PCDHA10: variants seen among roughly 807,000 people sequenced by gnomAD.
The protein encoded by PCDHA10 is protocadherin alpha-10.
A neutral mutation model predicts 61.2 loss-of-function variants in PCDHA10; 45 were observed. The observed-to-expected ratio is 0.74, with a 90% CI of 0.58 to 0.94. The LOEUF is 0.94. PCDHA10 is among the 40% of genes least tolerant of loss of function. The pLI, the probability that PCDHA10 is intolerant of heterozygous loss-of-function variation, is 0.00. For missense variants in PCDHA10, 1,278 were observed against 1,236.2 expected (o/e 1.03, Z -0.51); for synonymous variants, 602 against 548.8 (o/e 1.10, Z -1.35).
intron 1 of PCDHA10, chr5:140,858,779 C>T (rs771428982): frequency 5.0e-6 from 2 of 403,886 alleles, no homozygotes; most frequent in Non-Finnish European, 9.0e-6. Flanking sequence ...ATTAGTACTT[C>T]ATGTTATTTC....
chr5:140,886,012 T>C (rs1363937487), intron 1 of PCDHA10, among the ~76,000 whole-genome samples: 1 of 152,190 alleles, frequency 6.6e-6, no homozygotes, highest in Non-Finnish European at 1.5e-5. Context: ...TAAAGGGAGA[T>C]GCTATGTATT....
At chr5:140,888,695 A>G (rs1161003821) in intron 1 of PCDHA10, among the ~76,000 whole-genome samples, 3 of 152,094 alleles carry the variant, frequency 2.0e-5, no homozygotes, top group African/African-American at 7.2e-5. Flanking sequence ...CTCTTCTCTG[A>G]TTGGTAGGAA....
intron 1 of PCDHA10, among the ~76,000 whole-genome samples, chr5:140,945,624 C>T (rs1248945489): frequency 6.6e-6 from 1 of 152,028 alleles, no homozygotes; most frequent in African/African-American, 2.4e-5. Flanking sequence ...ATGGTACTGG[C>T]ATAAAAGACA....
At chr5:140,882,767 G>GC in intron 1 of PCDHA10, 1 of 1,614,176 alleles carries the variant, frequency 6.2e-7, no homozygotes, top group Non-Finnish European at 8.5e-7. Context: ...AGTAAACTCG[G>GC]CATTGACCTA....
At chr5:140,869,582 C>T (rs936485472) in intron 1 of PCDHA10, 7 of 1,614,088 alleles carry the variant, frequency 4.3e-6, no homozygotes, top group Middle Eastern at 1.6e-4. Context: ...GCTTCTGATG[C>T]TGACATTGAA....
At chr5:140,889,387 C>G (rs1174974313) in intron 1 of PCDHA10, among the ~76,000 whole-genome samples, 1 of 151,966 alleles carries the variant, frequency 6.6e-6, no homozygotes, top group East Asian at 1.9e-4. Context: ...AAGGACCATT[C>G]AGAGTTTAAT....
chr5:140,973,812 G>A (rs897592585), intron 1 of PCDHA10, among the ~76,000 whole-genome samples: 10 of 152,236 alleles, frequency 6.6e-5, no homozygotes, highest in Admixed American at 6.5e-4. Context: ...TGACAGAATA[G>A]CAAAGTCAGT....
rs1554206132 is a variant in PCDHA10, at chr5:140,928,678, C to A, written c.2389-50271C>A. 3.1e-6 allele frequency: 5 copies of A among 1,614,192 alleles called. No individual in the cohort carries two copies. The East Asian group carries it at 1.1e-4, about 36-fold the overall frequency. ...TGCTGACAGTGGTTCTAATGCCTGGCTTTCCTACCACATCTCCCGGGCGTC... is the reference window on the plus strand; with the variant it reads ...TGCTGACAGTGGTTCTAATGCCTGGATTTCCTACCACATCTCCCGGGCGTC... On this transcript the variant is annotated intron_variant, in intron 1 of 3. Coordinates refer to ENST00000307360, the MANE Select transcript of PCDHA10 (RefSeq NM_018901.4).
At chr5:141,001,971 G>C (rs1240624295) in intron 3 of PCDHA10, among the ~76,000 whole-genome samples, 2 of 152,186 alleles carry the variant, frequency 1.3e-5, no homozygotes, top group Admixed American at 1.3e-4. Flanking sequence ...GGGTGTCTCT[G>C]CGCGGAAAGC....
intron 1 of PCDHA10, among the ~76,000 whole-genome samples, chr5:140,932,330 G>A (rs1339060592): frequency 6.6e-6 from 1 of 151,860 alleles, no homozygotes; most frequent in African/African-American, 2.4e-5. Context: ...TAGCAAAAAT[G>A]CATGAAACAC....
intron 1 of PCDHA10, among the ~76,000 whole-genome samples, chr5:140,950,128 A>T (rs1488144119): frequency 6.6e-6 from 1 of 151,920 alleles, no homozygotes; most frequent in Non-Finnish European, 1.5e-5. Flanking sequence ...AACCCACAAG[A>T]CACAGTTATA....
chr5:140,989,728 A>T (rs1453115061), intron 3 of PCDHA10, among the ~76,000 whole-genome samples: 6 of 152,184 alleles, frequency 3.9e-5, no homozygotes, highest in Admixed American at 3.9e-4. Flanking sequence ...TTGCAGTTGA[A>T]AAGGCCATTG....
intron 1 of PCDHA10, chr5:140,866,411 A>G (rs2049340937): frequency 6.6e-6 from 1 of 152,118 alleles, no homozygotes; most frequent in African/African-American, 2.4e-5. Context: ...GAAAATCTTC[A>G]AATGTGTGTA....
In PCDHA10 at chr5:140,877,150, G is replaced by T. The variant is rs370292278; in HGVS notation, c.2388+18714G>T. On this transcript the variant is annotated intron_variant, in intron 1 of 3. Coordinates refer to ENST00000307360, the MANE Select transcript of PCDHA10 (RefSeq NM_018901.4). Reference sequence around the variant, plus strand: ...GCAGGTGTTCGTGCTGGACGAGAACGACAACGCGCCGGCACTGCTGGCGAC... The same window carrying T: ...GCAGGTGTTCGTGCTGGACGAGAACTACAACGCGCCGGCACTGCTGGCGAC... 1.7e-5 allele frequency: 27 copies of T among 1,613,672 alleles called. No homozygotes were observed. Among genetic ancestry groups the T allele is most frequent in the Non-Finnish European group, 2.2e-5 (26 of 1,179,864 alleles).
chr5:140,871,438 C>T, intron 1 of PCDHA10: 1 of 1,611,836 alleles, frequency 6.2e-7, no homozygotes. Context: ...TCCTCTAGGT[C>T]TGAATAAAGA....
At chr5:140,985,739 CTTT>C (rs11372071) in intron 3 of PCDHA10, among the ~76,000 whole-genome samples, 5 of 117,900 alleles carry the variant, frequency 4.2e-5, no homozygotes, top group Non-Finnish European at 1.7e-5. Context: ...TGATGAATTC[CTTT>C]TTTTTTTTTT....
At chr5:140,982,409 G>A (rs1554244106) in intron 2 of PCDHA10, 66 bp from the exon 3 acceptor site, 20 of 1,608,038 alleles carry the variant, frequency 1.2e-5, no homozygotes, top group Non-Finnish European at 1.6e-5. Flanking sequence ...CAATTTCTGA[G>A]GGTGGAAGAA....
At chr5:140,934,508 C>G (rs2089875994) in intron 1 of PCDHA10, among the ~76,000 whole-genome samples, 1 of 152,096 alleles carries the variant, frequency 6.6e-6, no homozygotes, top group African/African-American at 2.4e-5. Flanking sequence ...CCCAAAGGGT[C>G]CATAGACCAC....
rs369536692 is a variant in PCDHA10 at position 140,876,705 on chromosome 5, C to T, written c.2388+18269C>T. The T allele has an allele frequency of 2.0e-5, 33 of 1,614,240 alleles. No individual in the cohort carries two copies. In the African/African-American group the frequency reaches 3.3e-4, roughly 16 times the overall value. ...ATTACTACTCGTTGGTGCTGGACAG[C>T]GCCCTGGACCGCGAGAGCGTGTCGG... On this transcript the variant is annotated intron_variant, in intron 1 of 3. Transcript: ENST00000307360.
Sources: gnomAD v4.1 joint callset for allele counts (sites outside exome capture counted in the v4.1 genomes callset) on GRCh38, gnomAD v4.1.1 for gene constraint, MANE v1.5 for transcripts, NCBI Gene and HGNC (gene_info 2026-07-23, HGNC 2026-07-21) for gene names.